The following SLC4A10 variants were observed in gnomAD, a reference collection of about 807,000 sequenced individuals.
SLC4A10 encodes the protein solute carrier family 4 member 10, also known as sodium-driven chloride bicarbonate exchanger.
Under a neutral mutation model 137.7 loss-of-function variants are expected in SLC4A10, and 42 were observed. The observed-to-expected ratio is 0.30, with a 90% confidence interval of 0.24 to 0.39. The LOEUF is 0.39. SLC4A10 is among the 10% of genes least tolerant of loss of function. The probability of loss-of-function intolerance (pLI) is 1.00; values close to 1 mark genes in which losing one functional copy is unlikely to be tolerated. For missense variants in SLC4A10, 925 were observed against 1,355.0 expected (o/e 0.68, Z 4.98); for synonymous variants, 474 against 464.1 (o/e 1.02, Z -0.27).
intron 1 of SLC4A10, among the ~76,000 whole-genome samples, chr2:161,644,362 G>T (rs930704413): frequency 1.3e-5 from 2 of 152,094 alleles, no homozygotes; most frequent in African/African-American, 4.8e-5. Flanking sequence ...CGGGCGTGGT[G>T]GTACGTTGCT....
chr2:161,977,487 C>A (rs1410980828), intron 25 of SLC4A10, among the ~76,000 whole-genome samples: 2 of 151,960 alleles, frequency 1.3e-5, no homozygotes, highest in East Asian at 3.9e-4. Context: ...CAACAGTCAT[C>A]AAAGGATTTC....
At chr2:161,926,884 G>T (rs1382623307) in intron 15 of SLC4A10, among the ~76,000 whole-genome samples, 1 of 151,238 alleles carries the variant, frequency 6.6e-6, no homozygotes, top group South Asian at 2.1e-4. Flanking sequence ...TTGAATATTG[G>T]CCCCCACTCT....
chr2:161,628,468 A>C (rs948908838), intron 1 of SLC4A10, among the ~76,000 whole-genome samples: 5 of 152,062 alleles, frequency 3.3e-5, no homozygotes, highest in Non-Finnish European at 1.5e-5. Context: ...GGCCCAGTTT[A>C]TTGAATTGTT....
At chr2:161,971,313 T>C (rs1200399772) in intron 23 of SLC4A10, among the ~76,000 whole-genome samples, 2 of 152,232 alleles carry the variant, frequency 1.3e-5, no homozygotes, top group Non-Finnish European at 2.9e-5. Context: ...ATTTTATATC[T>C]GAAAACTGCT....
intron 2 of SLC4A10, among the ~76,000 whole-genome samples, chr2:161,784,939 G>GA (rs910340939): frequency 2.7e-5 from 4 of 149,692 alleles, no homozygotes; most frequent in African/African-American, 9.7e-5. Context: ...AAAACAATAG[G>GA]AAAAAATCAA....
At chr2:161,937,613 G>A (rs924587936) in intron 15 of SLC4A10, among the ~76,000 whole-genome samples, 6 of 152,100 alleles carry the variant, frequency 3.9e-5, no homozygotes, top group African/African-American at 1.4e-4. Flanking sequence ...TCAAATAATT[G>A]TGTAATTGGC....
intron 8 of SLC4A10, among the ~76,000 whole-genome samples, chr2:161,875,049 AT>A (rs1371279904): frequency 6.6e-6 from 1 of 152,216 alleles, no homozygotes; most frequent in Non-Finnish European, 1.5e-5. Flanking sequence ...CTTGAATAGT[AT>A]TTGGTATATA....
At chr2:161,846,017 A>C (rs2059468963) in intron 4 of SLC4A10, among the ~76,000 whole-genome samples, 2 of 152,144 alleles carry the variant, frequency 1.3e-5, no homozygotes. Context: ...GCTGTGAAAG[A>C]TTCTGTTAAG....
chr2:161,638,484 G>C (rs2034783822), intron 1 of SLC4A10, among the ~76,000 whole-genome samples: 1 of 152,052 alleles, frequency 6.6e-6, no homozygotes, highest in African/African-American at 2.4e-5. Context: ...ATTGATTTAT[G>C]AGTCTGTTTT....
chr2:161,953,245 C>G (rs910807802), intron 19 of SLC4A10, among the ~76,000 whole-genome samples: 1 of 152,130 alleles, frequency 6.6e-6, no homozygotes, highest in Non-Finnish European at 1.5e-5. Context: ...GATCTTTTTA[C>G]TTTTTCTTCA....
chr2:161,644,604 TA>T (rs1364438851), intron 1 of SLC4A10, among the ~76,000 whole-genome samples: 1 of 152,224 alleles, frequency 6.6e-6, no homozygotes, highest in African/African-American at 2.4e-5. Context: ...TGAATAACTG[TA>T]AATATTTGAT....
At chr2:161,892,342 A>G (rs1030349736) in intron 10 of SLC4A10, among the ~76,000 whole-genome samples, 67 of 151,788 alleles carry the variant, frequency 4.4e-4, no homozygotes, top group African/African-American at 1.6e-3. Flanking sequence ...ATCCTTAAGT[A>G]TTCCAGTTAG....
At chr2:161,920,180 G>A (rs1253180849) in intron 15 of SLC4A10, among the ~76,000 whole-genome samples, 2 of 152,198 alleles carry the variant, frequency 1.3e-5, no homozygotes, top group Non-Finnish European at 2.9e-5. Context: ...AACCTGCCAG[G>A]CCTAGTGGGC....
intron 1 of SLC4A10, among the ~76,000 whole-genome samples, chr2:161,632,313 A>T (rs2033693892): frequency 6.6e-6 from 1 of 151,372 alleles, no homozygotes; most frequent in South Asian, 2.1e-4. Context: ...CTTTTTTCAC[A>T]AAGTGGTGAA....
intron 15 of SLC4A10, among the ~76,000 whole-genome samples, chr2:161,910,433 T>C (rs527343592): frequency 6.6e-6 from 1 of 152,262 alleles, no homozygotes; most frequent in South Asian, 2.1e-4. Context: ...GGAATAATCT[T>C]TTCTTGGTTG....
chr2:161,771,290 C>A (rs1447771486), intron 2 of SLC4A10, among the ~76,000 whole-genome samples: 1 of 151,794 alleles, frequency 6.6e-6, no homozygotes, highest in Non-Finnish European at 1.5e-5. Flanking sequence ...CTACTGTATT[C>A]CAAGCACTGT....
chr2:161,943,272 C>T (rs892815104), intron 16 of SLC4A10, among the ~76,000 whole-genome samples: 2 of 152,028 alleles, frequency 1.3e-5, no homozygotes, highest in East Asian at 1.9e-4. Context: ...CCAGCTGTTC[C>T]GGATCTGCTG....
chr2:161,863,580 C>A (rs62188762), intron 6 of SLC4A10, among the ~76,000 whole-genome samples: 1 of 152,134 alleles, frequency 6.6e-6, no homozygotes, highest in Non-Finnish European at 1.5e-5. Flanking sequence ...TACATTATGG[C>A]TGATTCCGGT....
chr2:161,746,324 C>T (rs1448388089), intron 1 of SLC4A10, among the ~76,000 whole-genome samples: 2 of 151,756 alleles, frequency 1.3e-5, no homozygotes, highest in African/African-American at 4.8e-5. Flanking sequence ...TTACTTTTCC[C>T]TTTCCTTTCC....
Sources: allele counts gnomAD v4.1 joint callset (sites outside exome capture counted in the v4.1 genomes callset), GRCh38; gene constraint gnomAD v4.1.1; transcripts MANE v1.5; gene names NCBI Gene and HGNC (gene_info 2026-07-23, HGNC 2026-07-21).